Variants in OR10H3 observed in about 807,000 individuals in gnomAD.
The protein encoded by OR10H3 is olfactory receptor family 10 subfamily H member 3.
A neutral mutation model predicts 11.1 loss-of-function variants in OR10H3; 15 were observed. That is an observed-to-expected ratio of 1.36 (90% CI 0.91 to 2.09). The LOEUF is 2.09. Among genes scored for constraint, OR10H3 ranks in the 30% most tolerant of loss-of-function variants. The probability of loss-of-function intolerance (pLI) is 0.00; values close to 1 mark genes in which losing one functional copy is unlikely to be tolerated. For missense variants in OR10H3, 403 were observed against 391.5 expected, an observed-to-expected ratio of 1.03 and a Z score of -0.25; for synonymous variants, 149 against 142.1, an observed-to-expected ratio of 1.05 and a Z score of -0.35.
In OR10H3 at chr19:15,737,994, C is replaced by T. The variant is rs28541896; in HGVS notation, c.-69C>T. ...ATACCTTAGATAACTTGTTTCTTTC[C>T]CTTACCTTATACCATCACTCACGAA... On this transcript the variant is annotated 5_prime_UTR_variant, in exon 1 of 2. Coordinates refer to ENST00000641646, the MANE Select transcript of OR10H3 (RefSeq NM_013938.2). The T allele has an allele frequency of 0.32, 48,296 of 152,454 alleles. 8,278 individuals carry two copies. The highest frequency in any genetic ancestry group is 0.43 in the African/African-American group (17,677 of 41,466). The allele number at this position is 152,454 out of a possible 1,614,324, so 9.4% of individuals were successfully genotyped here.
intron 1 of OR10H3, among the ~76,000 whole-genome samples, chr19:15,738,936 A>C (rs1034426966): frequency 1.3e-4 from 19 of 151,928 alleles, no homozygotes; most frequent in Admixed American, 2.0e-4. Flanking sequence ...TTTATTATGC[A>C]TGATTTTTTT....
chr19:15,741,027 A>C (rs1416089975), intron 1 of OR10H3, among the ~76,000 whole-genome samples: 1 of 152,260 alleles, frequency 6.6e-6, no homozygotes, highest in Admixed American at 6.5e-5. Context: ...CAAGATCAAA[A>C]TAAATGTTTT....
chr19:15,741,314 T>G, intron 1 of OR10H3, 68 bp from the exon 2 acceptor site: 1 of 975,158 alleles, frequency 1.0e-6, no homozygotes, highest in Non-Finnish European at 1.6e-6. Flanking sequence ...CTGTTGGGTT[T>G]CCATTTGGTC....
At chr19:15,738,322 T>G (rs1342338414) in intron 1 of OR10H3, among the ~76,000 whole-genome samples, 1 of 152,218 alleles carries the variant, frequency 6.6e-6, no homozygotes, top group Admixed American at 6.5e-5. Context: ...TAACCAATCT[T>G]GTCATTTATG....
chr19:15,741,360 A>G (rs947461904), intron 1 of OR10H3, 22 bp from the exon 2 acceptor site: 2 of 1,494,380 alleles, frequency 1.3e-6, no homozygotes, highest in Middle Eastern at 1.7e-4. Context: ...CTGTCACTTA[A>G]TTTTGTTTCT....
chr19:15,740,393 C>T (rs1263347649), intron 1 of OR10H3, among the ~76,000 whole-genome samples: 1 of 152,228 alleles, frequency 6.6e-6, no homozygotes, highest in Non-Finnish European at 1.5e-5. Flanking sequence ...CAAGATTCAA[C>T]TAGTCCCCTA....
intron 1 of OR10H3, among the ~76,000 whole-genome samples, chr19:15,738,448 T>C (rs2008663315): frequency 6.6e-6 from 1 of 152,140 alleles, no homozygotes; most frequent in Admixed American, 6.5e-5. Context: ...AGTAGGCCTA[T>C]AATTGTCTCT....
At chr19:15,739,713 C>A (rs1490631535) in intron 1 of OR10H3, among the ~76,000 whole-genome samples, 1 of 151,784 alleles carries the variant, frequency 6.6e-6, no homozygotes, top group African/African-American at 2.4e-5. Context: ...ATCAATCTGC[C>A]GTCGATTTGG....
chr19:15,738,439 G>A (rs536550890), intron 1 of OR10H3, among the ~76,000 whole-genome samples: 7 of 151,802 alleles, frequency 4.6e-5, no homozygotes, highest in Non-Finnish European at 1.0e-4. Flanking sequence ...GATAGGTGAA[G>A]TAGGCCTATA....
At chr19:15,739,327 A>G (rs2008672515) in intron 1 of OR10H3, among the ~76,000 whole-genome samples, 1 of 152,174 alleles carries the variant, frequency 6.6e-6, no homozygotes, top group African/African-American at 2.4e-5. Flanking sequence ...TAATGTCTGG[A>G]TATTATTAAT....
intron 1 of OR10H3, among the ~76,000 whole-genome samples, chr19:15,739,584 G>C (rs1178197273): frequency 1.3e-5 from 2 of 152,148 alleles, no homozygotes; most frequent in Non-Finnish European, 2.9e-5. Flanking sequence ...CCAGCTATTA[G>C]GGAGGCTGAG....
In OR10H3 at chr19:15,742,182, C is replaced by A. The variant is rs1568438885; in HGVS notation, c.790C>A (p.Pro264Thr). The A allele has an allele frequency of 6.2e-7, 1 of 1,614,124 alleles. No homozygotes were observed. Residue 264 changes from proline to threonine, a missense_variant, in exon 2 of 2, where the codon CCC becomes ACC. Pro to Thr is a conservative substitution (Grantham distance 38). Transcript: ENST00000641646. ...TTTTGCCTCCCTTATCTACCTCAAA[C>A]CCAAGGGCCTCCATTCTATGTACAG... ...YSFASLIYLK[P>T]KGLHSMYSDA...
Position 15,742,107 on chromosome 19 carries a change from A to G in OR10H3, c.715A>G (p.Thr239Ala), listed in dbSNP as rs773395972. Residue 239 changes from threonine to alanine, a missense_variant, in exon 2 of 2, where the codon ACT becomes GCT. By Grantham distance (58) the Thr-to-Ala change is moderately conservative (BLOSUM62 0). Coordinates refer to ENST00000641646, the MANE Select transcript of OR10H3 (RefSeq NM_013938.2). ...TCCTTCTGCTGAGGGCCGGCACAAG[A>G]CTTTCTCCACTTGTGTATCCCACCT... is the stretch of plus-strand genomic sequence containing the variant. The part of the protein sequence containing the change: ...RIPSAEGRHK[T>A]FSTCVSHLTV... 4.3e-6 allele frequency: 7 copies of G among 1,613,970 alleles called. No individual in the cohort carries two copies. Among genetic ancestry groups the G allele is most frequent in the East Asian group, 2.2e-5 (1 of 44,892 alleles).
chr19:15,741,513 C>T lies in OR10H3; in HGVS notation c.121C>T (p.Leu41Phe). The T allele has an allele frequency of 6.2e-7, 1 of 1,614,230 alleles. No homozygotes were observed. Among genetic ancestry groups the T allele is most frequent in the East Asian group, 2.2e-5 (1 of 44,886 alleles). Residue 41 changes from leucine to phenylalanine, a missense_variant, in exon 2 of 2, where the codon CTT (leucine) becomes TTT (phenylalanine). Transcript: ENST00000641646. ...LYLLMFLFTL[L>F]GNLLIMATVW... is the part of the protein sequence containing the mutation. ...CCTCCTGATGTTCCTGTTCACATTG[C>T]TTGGCAACCTTCTTATCATGGCCAC...
intron 1 of OR10H3, 34 bp from the exon 2 acceptor site, chr19:15,741,348 C>T (rs375885602): frequency 1.7e-5 from 24 of 1,388,058 alleles, no homozygotes; most frequent in Non-Finnish European, 2.2e-5. Flanking sequence ...AAGTTTTAAC[C>T]ACTGTCACTT....
At position 15,741,983 on chromosome 19, in the gene OR10H3, C is replaced by T; in HGVS notation, c.591C>T (p.Val197=). The part of the protein sequence containing the change: ...KLACGSKTSS[V]IMGVMLVCVT... The stretch of plus-strand genomic sequence containing the variant: ...CCTGTGGGAGCAAGACATCATCTGT[C>T]ATCATGGGTGTGATGCTGGTGTGTG... Residue 197 remains valine (V), a synonymous_variant, in exon 2 of 2, where the codon GTC becomes GTT. Transcript: ENST00000641646. The T allele has an allele frequency of 1.2e-6, 2 of 1,614,190 alleles. No homozygotes were observed. Among genetic ancestry groups the T allele is most frequent in the Non-Finnish European group, 1.7e-6 (2 of 1,180,024 alleles).
At position 15,741,905 on chromosome 19, in the gene OR10H3, G is replaced by T. The variant is rs754261910; in HGVS notation, c.513G>T (p.Gly171=). 1.9e-6 allele frequency: 3 copies of T among 1,614,162 alleles called. No individual in the cohort carries two copies. Among genetic ancestry groups the T allele is most frequent in the African/African-American group, 2.7e-5 (2 of 75,024 alleles). Residue 171 remains glycine (G), a synonymous_variant, in exon 2 of 2, where the codon GGG becomes GGT. Transcript: ENST00000641646. ...TMMVFHLTFC[G]SNVIHHFLCH... is the part of the protein sequence containing the mutation. ...TGGTTTTTCACCTCACTTTCTGTGG[G>T]TCTAATGTGATCCACCATTTTCTCT...
At chr19:15,740,018 G>A (rs1184038809) in intron 1 of OR10H3, among the ~76,000 whole-genome samples, 1 of 151,162 alleles carries the variant, frequency 6.6e-6, no homozygotes, top group African/African-American at 2.4e-5. Flanking sequence ...ACTTTGGGAG[G>A]CTGAGACAGG....
intron 1 of OR10H3, among the ~76,000 whole-genome samples, chr19:15,738,517 T>C (rs2008664526): frequency 6.6e-6 from 1 of 152,088 alleles, no homozygotes; most frequent in African/African-American, 2.4e-5. Context: ...CTTGAGGAGA[T>C]GTGTTTGTCA....
Sources: gnomAD v4.1 joint callset for allele counts (sites outside exome capture counted in the v4.1 genomes callset) on GRCh38, gnomAD v4.1.1 for gene constraint, MANE v1.5 for transcripts, NCBI Gene and HGNC (gene_info 2026-07-23, HGNC 2026-07-21) for gene names.